Variants in SLC25A10 observed in about 807,000 individuals in gnomAD.
SLC25A10 encodes solute carrier family 25 member 10.
SLC25A10 carries 32 observed loss-of-function variants against 40.4 expected under a neutral mutation model. The observed-to-expected ratio is 0.79, with a 90% CI of 0.60 to 1.06. SLC25A10 has a LOEUF of 1.06. Ranked by LOEUF, SLC25A10 falls within the 50% of genes least tolerant of loss-of-function variation. The pLI, the probability that SLC25A10 is intolerant of heterozygous loss-of-function variation, is 0.00. For missense variants in SLC25A10, 394 were observed against 402.6 expected (o/e 0.98, Z 0.18); for synonymous variants, 181 against 171.1 (o/e 1.06, Z -0.45).
At chr17:81,716,173 A>C in intron 5 of SLC25A10, 123 bp downstream of exon 5, 1 of 1,079,768 alleles carries the variant, frequency 9.3e-7, no homozygotes, top group Non-Finnish European at 1.4e-6. Context: ...TGCACGGTCC[A>C]TGGAGGGTCC....
intron 8 of SLC25A10, 72 bp from the exon 9 acceptor site, chr17:81,717,712 G>A: frequency 6.5e-7 from 1 of 1,538,210 alleles, no homozygotes; most frequent in Non-Finnish European, 8.8e-7. Flanking sequence ...TGGAGGTTCT[G>A]GCACGTGGGT....
Position 81,719,884 on chromosome 17 carries a change from CA to C in SLC25A10, c.761del (p.Lys254ArgfsTer86). On this transcript the variant is annotated frameshift_variant and splice_region_variant, in exon 10 of 11. Transcript: ENST00000350690. LOFTEE classifies it high-confidence loss of function. ...CGAAGCTCGGGCCTCTGGCCTTTTACAAGGTGCAGTGGTGGCGGCAGTGGCG... is the reference window on the plus strand; with the variant it reads ...CGAAGCTCGGGCCTCTGGCCTTTTACAGGTGCAGTGGTGGCGGCAGTGGCG... Reference protein sequence around the residue: ...TAKLGPLAFYKGLVPAGIRLI... With the variant: ...TAKLGPLAFYXGLVPAGIRLI... 6.2e-7 allele frequency: 1 copy of C among 1,613,900 alleles called. No homozygotes were observed. The highest frequency in any genetic ancestry group is 8.5e-7 in the Non-Finnish European group (1 of 1,180,008).
chr17:81,713,358 C>A, intron 1 of SLC25A10: 1 of 693,560 alleles, frequency 1.4e-6, no homozygotes, highest in Non-Finnish European at 1.8e-6. Flanking sequence ...GCAGGCCCTG[C>A]CCTGTGAACC....
In SLC25A10 at chr17:81,712,362, C is replaced by A. The variant is rs1316836401; in HGVS notation, c.-65C>A. ...GGCGCGGGGCGCGGGGCGCTGCGGCCGGTACACGCCGGGGTAGGGCCGGGG... is the reference window on the plus strand; with the variant it reads ...GGCGCGGGGCGCGGGGCGCTGCGGCAGGTACACGCCGGGGTAGGGCCGGGG... On this transcript the variant is annotated 5_prime_UTR_variant, in exon 1 of 11. Transcript: ENST00000350690. 3 of 1,065,620 alleles carry A rather than the reference C, an allele frequency of 2.8e-6. No individual in the cohort carries two copies. In the African/African-American group the frequency reaches 5.0e-5, roughly 18 times the overall value. The allele number at this position is 1,065,620 out of a possible 1,614,324, so 66.0% of individuals were successfully genotyped here. A position where few individuals can be genotyped will look rare whatever the true frequency, so the allele number is the denominator to read the frequency against.
Position 81,714,937 on chromosome 17 carries a change from GCACT to G in SLC25A10, c.94-10_94-7del, listed in dbSNP as rs1475555883. 1.9e-6 allele frequency: 3 copies of G among 1,605,578 alleles called. No homozygotes were observed. In the African/African-American group the frequency reaches 4.0e-5, roughly 21 times the overall value. On this transcript the variant is annotated splice_polypyrimidine_tract_variant and intron_variant, in intron 1 of 10. Coordinates refer to ENST00000350690, the MANE Select transcript of SLC25A10 (RefSeq NM_012140.5). ...CTCGGGGTCGCTGTGGGGTCTGAGAGCACTCACTCCCGCAGGTGCATCTGCAGAC... is the reference window on the plus strand; with the variant it reads ...CTCGGGGTCGCTGTGGGGTCTGAGAGCACTCCCGCAGGTGCATCTGCAGAC...
At chr17:81,712,555 C>T in intron 1 of SLC25A10, 36 bp downstream of exon 1, 1 of 1,212,270 alleles carries the variant, frequency 8.2e-7, no homozygotes, top group Non-Finnish European at 1.0e-6. Context: ...GCGGATGGGA[C>T]CCTGGCGCCG....
rs2037490707 is a variant in SLC25A10, at chr17:81,716,607, G to A, written c.420-205G>A. On this transcript the variant is annotated intron_variant, in intron 5 of 10. Transcript: ENST00000350690. ...GCCAGGGACTCTGTTGGAAACGATG[G>A]AACCTCCTCCCTGAGGGCCGGGCGG... The A allele has an allele frequency of 8.3e-6, 5 of 604,598 alleles. 1 individual carries two copies. The South Asian group carries it at 9.9e-5, about 12-fold the overall frequency. The allele number at this position is 604,598 out of a possible 1,614,324, so 37.5% of individuals were successfully genotyped here. A position where few individuals can be genotyped will look rare whatever the true frequency, so the allele number is the denominator to read the frequency against.
intron 1 of SLC25A10, 126 bp downstream of exon 1, chr17:81,712,645 G>T: frequency 1.5e-6 from 1 of 667,994 alleles, no homozygotes; most frequent in Middle Eastern, 4.9e-4. Flanking sequence ...TGGAGAGCGC[G>T]AGGAGGCCCC....
chr17:81,717,209 G>T lies in SLC25A10; in HGVS notation c.534+137G>T, dbSNP rs546136922. ...CAGCTGTGACCTTGTGGGGCAGGGT[G>T]GGGGGCACGGGTGGGTCAGGGCTGC... On this transcript the variant is annotated intron_variant, in intron 7 of 10. Transcript: ENST00000350690. The T allele has an allele frequency of 4.4e-5, 49 of 1,107,704 alleles. 1 individual carries two copies. Among genetic ancestry groups the T allele is most frequent in the African/African-American group, 4.1e-4 (27 of 65,254 alleles). The allele number at this position is 1,107,704 out of a possible 1,614,324, so 68.6% of individuals were successfully genotyped here. A position where few individuals can be genotyped will look rare whatever the true frequency, so the allele number is the denominator to read the frequency against.
intron 9 of SLC25A10, among the ~76,000 whole-genome samples, chr17:81,718,986 T>C (rs2037539964): frequency 6.6e-6 from 1 of 151,510 alleles, no homozygotes; most frequent in South Asian, 2.1e-4. Context: ...ATTTCTTTTC[T>C]TTCTTTTTTT....
rs1305707597 is a variant in SLC25A10 at position 81,715,494 on chromosome 17, C to T, written c.230C>T (p.Thr77Ile). ...SLCRQMTYSL[T>I]RFAIYETVRD... The stretch of plus-strand genomic sequence containing the variant: ...CTCCCCCAGATGACCTACTCCCTGA[C>T]TCGGTTCGCCATCTACGAGACTGTG... Residue 77 changes from threonine to isoleucine, a missense_variant, in exon 3 of 11, where the codon ACT (threonine) becomes ATT (isoleucine). By Grantham distance (89) the Thr-to-Ile change is moderately conservative (BLOSUM62 -1). Transcript: ENST00000350690. The T allele has an allele frequency of 1.9e-6, 3 of 1,612,612 alleles. No individual in the cohort carries two copies. The highest frequency in any genetic ancestry group is 1.3e-5 in the African/African-American group (1 of 74,916).
At chr17:81,718,009 A>G (rs1451932074) in intron 9 of SLC25A10, 148 bp downstream of exon 9, 3 of 653,120 alleles carry the variant, frequency 4.6e-6, no homozygotes, top group Non-Finnish European at 8.2e-6. Flanking sequence ...GCCTTGGGAG[A>G]GGGTTGTGCC....
intron 9 of SLC25A10, 115 bp from the exon 10 acceptor site, chr17:81,719,716 C>T: frequency 5.7e-6 from 7 of 1,224,146 alleles, no homozygotes; most frequent in Admixed American, 1.7e-5. Context: ...CCCACACCCA[C>T]ACCCCACATT....
At position 81,712,352 on chromosome 17, in the gene SLC25A10, G is replaced by GCGCGGGC; in HGVS notation, c.-72_-71insGGGCCGC. 2.0e-6 allele frequency: 2 copies of GCGCGGGC among 1,010,416 alleles called. No homozygotes were observed. Among genetic ancestry groups the GCGCGGGC allele is most frequent in the Non-Finnish European group, 2.5e-6 (2 of 795,978 alleles). 62.6% of individuals were successfully genotyped at this position (1,010,416 alleles called of 1,614,324 possible). On this transcript the variant is annotated 5_prime_UTR_variant, in exon 1 of 11. Transcript: ENST00000350690. The stretch of plus-strand genomic sequence containing the variant: ...CCGGGCGCGGGGCGCGGGGCGCGGG[G>GCGCGGGC]CGCTGCGGCCGGTACACGCCGGGGT...
At position 81,717,767 on chromosome 17, in the gene SLC25A10, A is replaced by G; in HGVS notation, c.628-17A>G. 6.2e-7 allele frequency: 1 copy of G among 1,608,394 alleles called. No individual in the cohort carries two copies. The highest frequency in any genetic ancestry group is 8.5e-7 in the Non-Finnish European group (1 of 1,178,402). ...TGGCGTACCTGACAGGCCGCTGGTGACGAGCCCCCTCCTCAGGGTGGATGT... is the reference window on the plus strand; with the variant it reads ...TGGCGTACCTGACAGGCCGCTGGTGGCGAGCCCCCTCCTCAGGGTGGATGT... On this transcript the variant is annotated splice_polypyrimidine_tract_variant and intron_variant, in intron 8 of 10. Coordinates refer to ENST00000350690, the MANE Select transcript of SLC25A10 (RefSeq NM_012140.5).
chr17:81,720,372 AT>A lies in SLC25A10; in HGVS notation c.*298del. Reference sequence around the variant, plus strand: ...GGGGAACAGGGGCTACCAGAGGCTGATTTCTCCCCTCTCCTGGGCCAGGGGA... The same window carrying A: ...GGGGAACAGGGGCTACCAGAGGCTGATTCTCCCCTCTCCTGGGCCAGGGGA... On this transcript the variant is annotated 3_prime_UTR_variant, in exon 11 of 11. Transcript: ENST00000350690. The A allele has an allele frequency of 7.1e-7, 1 of 1,405,602 alleles. No individual in the cohort carries two copies. The highest frequency in any genetic ancestry group is 9.2e-7 in the Non-Finnish European group (1 of 1,086,084). The allele number at this position is 1,405,602 out of a possible 1,614,324, so 87.1% of individuals were successfully genotyped here.
Position 81,712,472 on chromosome 17 carries a change from GC to G in SLC25A10, c.48del (p.Ser17ProfsTer24). On this transcript the variant is annotated frameshift_variant, in exon 1 of 11. Transcript: ENST00000350690. LOFTEE classifies it high-confidence loss of function. ...GTCGCGCTGGTACTTCGGGGGGCTG[GC>G]CTCCTGCGGGGCCGCCTGCTGCACG... ...RVSRWYFGGL[A>X]SCGAACCTHP... The G allele has an allele frequency of 6.9e-6, 9 of 1,305,292 alleles. No individual in the cohort carries two copies. The highest frequency in any genetic ancestry group is 8.7e-6 in the Non-Finnish European group (9 of 1,028,730). 80.9% of individuals were successfully genotyped at this position (1,305,292 alleles called of 1,614,324 possible).
chr17:81,719,906 T>TGGC lies in SLC25A10; in HGVS notation c.762+23_762+25dup, dbSNP rs780180138. 5 of 1,613,566 alleles carry TGGC rather than the reference T, an allele frequency of 3.1e-6. No individual in the cohort carries two copies. The South Asian group carries it at 4.4e-5, about 14-fold the overall frequency. ...TTACAAGGTGCAGTGGTGGCGGCAG[T>TGGC]GGCGGCTTGGGCAATGGGGAGCGGG... On this transcript the variant is annotated intron_variant, in intron 10 of 10. Transcript: ENST00000350690.
At position 81,715,905 on chromosome 17, in the gene SLC25A10, C is replaced by T. The variant is rs2037477650; in HGVS notation, c.378-104C>T. On this transcript the variant is annotated intron_variant, in intron 4 of 10. Coordinates refer to ENST00000350690, the MANE Select transcript of SLC25A10 (RefSeq NM_012140.5). ...TGGGTGTCCCTGAGCCCCGGCGTGCCCTGTCCTGTGGGCCCCGCTGACCAG... is the reference window on the plus strand; with the variant it reads ...TGGGTGTCCCTGAGCCCCGGCGTGCTCTGTCCTGTGGGCCCCGCTGACCAG... The T allele has an allele frequency of 4.2e-6, 6 of 1,441,884 alleles. No homozygotes were observed. The Admixed American group carries it at 5.8e-5, about 14-fold the overall frequency. The allele number at this position is 1,441,884 out of a possible 1,614,324, so 89.3% of individuals were successfully genotyped here.
Sources: gnomAD v4.1 joint callset for allele counts (sites outside exome capture counted in the v4.1 genomes callset) on GRCh38, gnomAD v4.1.1 for gene constraint, MANE v1.5 for transcripts, NCBI Gene and HGNC (gene_info 2026-07-23, HGNC 2026-07-21) for gene names.